SAFB: variants seen among roughly 807,000 people sequenced by gnomAD.
The protein encoded by SAFB is scaffold attachment factor B, also known as scaffold attachment factor B1.
In SAFB, 15 loss-of-function variants were observed where a neutral mutation model predicts 101.6. That is an observed-to-expected ratio of 0.15 (90% CI 0.10 to 0.23). The LOEUF (loss-of-function observed/expected upper bound fraction) is 0.23, where lower values mean the gene tolerates loss of function less well. SAFB is among the 10% of genes least tolerant of loss of function. The pLI is 1.00. For missense variants in SAFB, 930 were observed against 1,104.1 expected, an observed-to-expected ratio of 0.84 and a Z score of 2.23; for synonymous variants, 449 against 407.5, an observed-to-expected ratio of 1.10 and a Z score of -1.23.
chr19:5,626,046 A>G (rs2053351770), intron 1 of SAFB, among the ~76,000 whole-genome samples: 1 of 152,134 alleles, frequency 6.6e-6, no homozygotes, highest in South Asian at 2.1e-4. Context: ...TAGGAAGGAG[A>G]TGAACCAGAT....
At chr19:5,657,680 A>G (rs978046972) in intron 14 of SAFB, among the ~76,000 whole-genome samples, 3 of 151,866 alleles carry the variant, frequency 2.0e-5, no homozygotes, top group African/African-American at 7.3e-5. Context: ...GTGCGCCACC[A>G]CACCTGGCTA....
At position 5,668,248 on chromosome 19, in the gene SAFB, G is replaced by C. The variant is rs370240228; in HGVS notation, c.2711G>C (p.Arg904Pro). Residue 904 changes from arginine to proline, a missense_variant, in exon 21 of 21, where the codon CGG (arginine) becomes CCG (proline). Arg to Pro is a moderately radical substitution (Grantham distance 103). Around this residue, in one of 7 missense-constraint regions of SAFB, gnomAD observed 318 missense variants for 342.6 expected, o/e 0.93. Transcript: ENST00000588852. ...GMQGGFGGQS[R>P]GSRPSDARFT... ...CAGGGCGGGTTTGGAGGCCAGAGCC[G>C]GGGGAGCAGGCCCAGCGATGCCCGC... 2.5e-6 allele frequency: 4 copies of C among 1,611,184 alleles called. No individual in the cohort carries two copies. The highest frequency in any genetic ancestry group is 3.4e-6 in the Non-Finnish European group (4 of 1,179,426).
intron 2 of SAFB, among the ~76,000 whole-genome samples, chr19:5,630,272 G>A (rs1000915364): frequency 4.6e-5 from 7 of 152,086 alleles, no homozygotes; most frequent in African/African-American, 7.2e-5. Context: ...CATTTGTGTC[G>A]TCTGAATGGC....
At chr19:5,630,439 G>A (rs953805343) in intron 2 of SAFB, among the ~76,000 whole-genome samples, 3 of 152,210 alleles carry the variant, frequency 2.0e-5, no homozygotes, top group South Asian at 2.1e-4. Context: ...TTTATGTTAC[G>A]CTTTAAAAGG....
At chr19:5,632,943 T>G (rs1272490655) in intron 2 of SAFB, among the ~76,000 whole-genome samples, 1 of 152,184 alleles carries the variant, frequency 6.6e-6, no homozygotes, top group Non-Finnish European at 1.5e-5. Context: ...GCACATGCTG[T>G]CAGTTTGAGC....
intron 15 of SAFB, among the ~76,000 whole-genome samples, chr19:5,662,155 G>A (rs1039303371): frequency 6.6e-6 from 1 of 152,094 alleles, no homozygotes; most frequent in Non-Finnish European, 1.5e-5. Context: ...AAAATGCTGG[G>A]ATTACAGCTG....
At chr19:5,623,625 C>G (rs1245369763) in intron 1 of SAFB, among the ~76,000 whole-genome samples, 2 of 152,124 alleles carry the variant, frequency 1.3e-5, no homozygotes, top group Non-Finnish European at 2.9e-5. Context: ...AAAAACGGCA[C>G]GCGTGCAGGA....
chr19:5,656,369 G>A (rs987840865), intron 13 of SAFB, among the ~76,000 whole-genome samples: 1 of 151,940 alleles, frequency 6.6e-6, no homozygotes, highest in Admixed American at 6.6e-5. Context: ...CCTCCCGGGG[G>A]TTTTTAAGTG....
intron 13 of SAFB, among the ~76,000 whole-genome samples, chr19:5,654,663 A>G (rs762332324): frequency 1.3e-5 from 2 of 152,128 alleles, no homozygotes; most frequent in African/African-American, 2.4e-5. Flanking sequence ...GGCTCACTCC[A>G]ACCTCCGCCT....
intron 13 of SAFB, among the ~76,000 whole-genome samples, chr19:5,655,488 C>T (rs1253294584): frequency 6.6e-6 from 1 of 150,844 alleles, no homozygotes; most frequent in Admixed American, 6.6e-5. Context: ...AAACACACAC[C>T]TATTATTTGC....
chr19:5,636,867 C>A lies in SAFB; in HGVS notation c.275-4727C>A, dbSNP rs892161577. Reference sequence around the variant, plus strand: ...GGGATTACAGGTGCCTGACACCACACCTGGCTAATTTTTATATTTTTAGTA... The same window carrying A: ...GGGATTACAGGTGCCTGACACCACAACTGGCTAATTTTTATATTTTTAGTA... On this transcript the variant is annotated intron_variant, in intron 2 of 20. Coordinates refer to ENST00000588852, the MANE Select transcript of SAFB (RefSeq NM_001201338.2). 5.9e-5 allele frequency among the ~76,000 whole-genome samples: 9 copies of A among 151,704 alleles called. 1 individual carries two copies. The highest frequency in any genetic ancestry group is 1.0e-4 in the Non-Finnish European group (7 of 67,874).
chr19:5,659,709 AC>A (rs941975195), intron 14 of SAFB, among the ~76,000 whole-genome samples: 2 of 151,742 alleles, frequency 1.3e-5, no homozygotes, highest in African/African-American at 2.4e-5. Context: ...AAAAAAAAAA[AC>A]AAAGTCTCCC....
Position 5,667,530 on chromosome 19 carries a change from G to A in SAFB, c.2557+80G>A. Reference sequence around the variant, plus strand: ...GGAGGCCGCGCCTTCTCTCCTTGGGGGAGCACAGGAGGTGCTCTGCTCTCA... The same window carrying A: ...GGAGGCCGCGCCTTCTCTCCTTGGGAGAGCACAGGAGGTGCTCTGCTCTCA... On this transcript the variant is annotated intron_variant, in intron 19 of 20. Transcript: ENST00000588852. This position sits in a 1 kb window ranked among gnomAD's most constrained non-coding sequence, Gnocchi z 4.0. The A allele has an allele frequency of 2.0e-6, 2 of 984,598 alleles. No individual in the cohort carries two copies. Among genetic ancestry groups the A allele is most frequent in the Non-Finnish European group, 3.0e-6 (2 of 658,238 alleles). The allele number at this position is 984,598 out of a possible 1,614,324, so 61.0% of individuals were successfully genotyped here. A position where few individuals can be genotyped will look rare whatever the true frequency, so the allele number is the denominator to read the frequency against.
At chr19:5,663,560 C>G (rs532149822) in intron 15 of SAFB, among the ~76,000 whole-genome samples, 1 of 152,132 alleles carries the variant, frequency 6.6e-6, no homozygotes, top group Non-Finnish European at 1.5e-5. Context: ...TGCTTTGGTA[C>G]GAAATCCTTC....
chr19:5,661,292 C>T (rs934034323), intron 14 of SAFB, among the ~76,000 whole-genome samples: 17 of 152,154 alleles, frequency 1.1e-4, no homozygotes, highest in African/African-American at 3.9e-4. Flanking sequence ...AGAAAGGAGG[C>T]CCAGTTCTGA....
At chr19:5,660,563 G>A (rs1207704608) in intron 14 of SAFB, among the ~76,000 whole-genome samples, 1 of 151,578 alleles carries the variant, frequency 6.6e-6, no homozygotes, top group African/African-American at 2.4e-5. Context: ...ATCTATAACT[G>A]TGTAGGTAAA....
chr19:5,659,903 C>G (rs1178976420), intron 14 of SAFB, among the ~76,000 whole-genome samples: 2 of 152,128 alleles, frequency 1.3e-5, no homozygotes, highest in East Asian at 1.9e-4. Flanking sequence ...GCTTGGGTAT[C>G]CCGTCAGGTT....
Position 5,623,257 on chromosome 19 carries a change from G to T in SAFB, c.52G>T (p.Ala18Ser). 2 of 1,580,096 alleles carry T rather than the reference G, an allele frequency of 1.3e-6. No homozygotes were observed. The highest frequency in any genetic ancestry group is 1.7e-6 in the Non-Finnish European group (2 of 1,164,170). The part of the protein sequence containing the change: ...LGDSGAAGAA[A>S]LSSASSETGT... ...TGATTCTGGAGCGGCGGGCGCGGCGGCTCTGAGCTCCGCCTCGTCAGAGAC... is the reference window on the plus strand; with the variant it reads ...TGATTCTGGAGCGGCGGGCGCGGCGTCTCTGAGCTCCGCCTCGTCAGAGAC... Residue 18 changes from alanine (A) to serine (S), a missense_variant, in exon 1 of 21, where the codon GCT (alanine) becomes TCT (serine). Around this residue, in one of 7 missense-constraint regions of SAFB, gnomAD observed 44 missense variants for 35.8 expected, o/e 1.23. Coordinates refer to ENST00000588852, the MANE Select transcript of SAFB (RefSeq NM_001201338.2).
rs201302062 is a variant in SAFB at position 5,664,131 on chromosome 19, G to A, written c.2263G>A (p.Gly755Ser). ...RFHDFDHRDR[G>S]RYPDHSVDRR... is the part of the protein sequence containing the mutation. ...CCACGACTTTGACCACAGGGACCGC[G>A]GCCGCTACCCCGACCACTCGGTGGA... The change falls in exon 16 of 21, where the codon GGC becomes AGC. Residue 755 changes from glycine (G) to serine (S), a missense_variant. Physicochemically the swap from Gly to Ser is moderately conservative, Grantham distance 56. Coordinates refer to ENST00000588852, the MANE Select transcript of SAFB (RefSeq NM_001201338.2). 784 of 1,613,910 alleles carry A rather than the reference G, an allele frequency of 4.9e-4. No individual in the cohort carries two copies. Among genetic ancestry groups the A allele is most frequent in the Non-Finnish European group, 6.1e-4 (718 of 1,180,022 alleles).
Sources: gnomAD v4.1 joint callset for allele counts (sites outside exome capture counted in the v4.1 genomes callset) on GRCh38, gnomAD v4.1.1 for gene constraint, gnomAD v4.1.1 regional missense constraint, Gnocchi (gnomAD v3.1) non-coding constraint, MANE v1.5 for transcripts, NCBI Gene and HGNC (gene_info 2026-07-23, HGNC 2026-07-21) for gene names.